The following TRHDE variants were observed in gnomAD, a reference collection of about 807,000 sequenced individuals.
TRHDE encodes thyrotropin-releasing hormone-degrading ectoenzyme.
TRHDE carries 72 observed loss-of-function variants against 125.7 expected under a neutral mutation model. The observed-to-expected ratio is 0.57, with a 90% CI of 0.47 to 0.70. The LOEUF (loss-of-function observed/expected upper bound fraction) is 0.70. TRHDE is among the 30% of genes least tolerant of loss of function. The probability of loss-of-function intolerance (pLI) is 0.00; values close to 1 mark genes in which losing one functional copy is unlikely to be tolerated. For missense variants in TRHDE, 1,110 were observed against 1,327.1 expected (o/e 0.84, Z 2.54); for synonymous variants, 509 against 509.1 (o/e 1.00, Z 0.00).
chr12:72,311,519 G>A (rs1032012312), intron 2 of TRHDE, among the ~76,000 whole-genome samples: 2 of 152,148 alleles, frequency 1.3e-5, no homozygotes, highest in Admixed American at 1.3e-4. Flanking sequence ...CCAGCAAAAG[G>A]AAGAGATTGT....
chr12:72,527,118 A>G (rs1255698221), intron 6 of TRHDE, among the ~76,000 whole-genome samples: 1 of 152,132 alleles, frequency 6.6e-6, no homozygotes, highest in African/African-American at 2.4e-5. Flanking sequence ...TATTTTGCAC[A>G]TTAGTGCAGT....
chr12:72,332,521 C>G (rs1046526228), intron 2 of TRHDE, among the ~76,000 whole-genome samples: 1 of 152,092 alleles, frequency 6.6e-6, no homozygotes, highest in Non-Finnish European at 1.5e-5. Context: ...GTGAGAGATC[C>G]GCCCCCATGA....
intron 2 of TRHDE, among the ~76,000 whole-genome samples, chr12:72,146,921 C>T (rs969138722): frequency 7.9e-5 from 12 of 152,126 alleles, no homozygotes; most frequent in African/African-American, 2.7e-4. Context: ...GATGCGGAGC[C>T]GGAAGAAGGG....
chr12:72,448,391 C>A (rs1352739173), intron 3 of TRHDE, among the ~76,000 whole-genome samples: 1 of 152,016 alleles, frequency 6.6e-6, no homozygotes, highest in Non-Finnish European at 1.5e-5. Context: ...ACTATAAATT[C>A]ATGATAAAAC....
chr12:72,178,223 CA>C (rs1464358636), intron 2 of TRHDE, among the ~76,000 whole-genome samples: 1 of 152,082 alleles, frequency 6.6e-6, no homozygotes, highest in Admixed American at 6.5e-5. Context: ...TGGTGGTGTA[CA>C]TAGAATATTG....
At chr12:72,324,026 T>A (rs1869224232) in intron 2 of TRHDE, among the ~76,000 whole-genome samples, 1 of 152,124 alleles carries the variant, frequency 6.6e-6, no homozygotes, top group South Asian at 2.1e-4. Flanking sequence ...CTGGTCTTCC[T>A]GATGCCAGTT....
chr12:72,488,381 G>C (rs776751353), intron 5 of TRHDE, among the ~76,000 whole-genome samples: 2 of 152,006 alleles, frequency 1.3e-5, no homozygotes, highest in Admixed American at 1.3e-4. Context: ...TGATAAAATA[G>C]ACTTCAAATC....
intron 12 of TRHDE, among the ~76,000 whole-genome samples, chr12:72,596,376 A>G (rs1271166509): frequency 1.3e-5 from 2 of 152,174 alleles, no homozygotes; most frequent in East Asian, 1.9e-4. Flanking sequence ...CATTCATTGA[A>G]TAAATGTTTA....
At chr12:72,353,901 A>T (rs1387180148) in intron 2 of TRHDE, among the ~76,000 whole-genome samples, 1 of 114,404 alleles carries the variant, frequency 8.7e-6, no homozygotes, top group African/African-American at 2.6e-5. Context: ...GAGTATGCTA[A>T]TCCTGATGTC....
intron 2 of TRHDE, among the ~76,000 whole-genome samples, chr12:72,235,788 ACAC>A (rs1878327602): frequency 1.3e-5 from 2 of 151,748 alleles, no homozygotes; most frequent in African/African-American, 4.8e-5. Flanking sequence ...AGCCCAAATT[ACAC>A]TAGCGTATTT....
chr12:72,443,609 G>T (rs1280857427), intron 3 of TRHDE, among the ~76,000 whole-genome samples: 1 of 151,698 alleles, frequency 6.6e-6, no homozygotes, highest in Non-Finnish European at 1.5e-5. Flanking sequence ...AACACATTGA[G>T]TGGAACATTT....
intron 3 of TRHDE, among the ~76,000 whole-genome samples, chr12:72,413,219 A>G (rs990567534): frequency 2.0e-5 from 3 of 151,980 alleles, no homozygotes; most frequent in Admixed American, 2.0e-4. Flanking sequence ...AATTTTTTTA[A>G]AAAAATTCTT....
chr12:72,252,855 C>T (rs972465295), intron 2 of TRHDE, among the ~76,000 whole-genome samples: 6 of 151,916 alleles, frequency 3.9e-5, no homozygotes, highest in Admixed American at 3.9e-4. Context: ...CATTTTTTTG[C>T]CTCATTAAGT....
At chr12:72,133,056 G>A (rs1592452970) in intron 2 of TRHDE, among the ~76,000 whole-genome samples, 1 of 152,294 alleles carries the variant, frequency 6.6e-6, no homozygotes, top group African/African-American at 2.4e-5. Context: ...CAGAATCGGT[G>A]CCATGATGAA....
At chr12:72,640,003 A>C (rs1362728797) in intron 15 of TRHDE, among the ~76,000 whole-genome samples, 1 of 152,090 alleles carries the variant, frequency 6.6e-6, no homozygotes, top group Non-Finnish European at 1.5e-5. Context: ...AGAGGCAGGC[A>C]GGCCTCCTTG....
At chr12:72,158,855 G>C (rs1229685678) in intron 2 of TRHDE, among the ~76,000 whole-genome samples, 3 of 152,070 alleles carry the variant, frequency 2.0e-5, no homozygotes, top group Admixed American at 2.0e-4. Flanking sequence ...TTGATTCCAT[G>C]CTAACTTATT....
At chr12:72,437,329 C>T (rs1040690519) in intron 3 of TRHDE, among the ~76,000 whole-genome samples, 1 of 151,772 alleles carries the variant, frequency 6.6e-6, no homozygotes, top group Non-Finnish European at 1.5e-5. Context: ...ATTCAAAGTT[C>T]ATCCCTCTCT....
At chr12:72,630,940 C>T (rs1451966871) in intron 15 of TRHDE, among the ~76,000 whole-genome samples, 4 of 148,048 alleles carry the variant, frequency 2.7e-5, no homozygotes, top group African/African-American at 9.9e-5. Flanking sequence ...TTACTTCTAA[C>T]TATTAGAGTT....
chr12:72,512,763 C>T (rs1878664267), intron 6 of TRHDE, among the ~76,000 whole-genome samples: 1 of 149,862 alleles, frequency 6.7e-6, no homozygotes, highest in South Asian at 2.1e-4. Flanking sequence ...AATAAGCAGG[C>T]AACTATAATC....
Sources: gnomAD v4.1 joint callset for allele counts (sites outside exome capture counted in the v4.1 genomes callset) on GRCh38, gnomAD v4.1.1 for gene constraint, MANE v1.5 for transcripts, NCBI Gene and HGNC (gene_info 2026-07-23, HGNC 2026-07-21) for gene names.